GRID1: variants seen among roughly 807,000 people sequenced by gnomAD.
The protein encoded by GRID1 is glutamate receptor ionotropic, delta-1.
A neutral mutation model predicts 98.0 loss-of-function variants in GRID1; 28 were observed. The ratio of observed to expected loss-of-function variants is 0.29; its 90% CI spans 0.21 to 0.39. The LOEUF (loss-of-function observed/expected upper bound fraction) is 0.39, where lower values mean the gene tolerates loss of function less well. GRID1 is among the 10% of genes least tolerant of loss of function. The pLI is 1.00. For synonymous variants in GRID1, 553 were observed against 538.5 expected (o/e 1.03, Z -0.37); for missense variants, 1,111 against 1,340.5 (o/e 0.83, Z 2.67).
At chr10:85,671,651 T>C (rs1227663979) in intron 12 of GRID1, among the ~76,000 whole-genome samples, 1 of 152,194 alleles carries the variant, frequency 6.6e-6, no homozygotes, top group Non-Finnish European at 1.5e-5. Context: ...AAGGAAGAGT[T>C]GTACATCTCT....
At chr10:85,688,302 T>C (rs1841291980) in intron 12 of GRID1, among the ~76,000 whole-genome samples, 2 of 152,176 alleles carry the variant, frequency 1.3e-5, no homozygotes, top group Admixed American at 1.3e-4. Context: ...AGACTTTCTC[T>C]TGGGGAGAAA....
At chr10:85,671,639 G>A in intron 12 of GRID1, among the ~76,000 whole-genome samples, 1 of 152,178 alleles carries the variant, frequency 6.6e-6, no homozygotes, top group East Asian at 1.9e-4. Flanking sequence ...CTGATTGAGT[G>A]AAAGGAAGAG....
intron 3 of GRID1, among the ~76,000 whole-genome samples, chr10:86,199,938 C>T (rs1845924204): frequency 6.6e-6 from 1 of 151,906 alleles, no homozygotes; most frequent in African/African-American, 2.4e-5. Flanking sequence ...AGAGTGCCAC[C>T]CGAGGTAGCA....
intron 8 of GRID1, among the ~76,000 whole-genome samples, chr10:85,768,015 G>A (rs1049901521): frequency 2.6e-5 from 4 of 152,180 alleles, no homozygotes; most frequent in Non-Finnish European, 5.9e-5. Context: ...GTTAAGAGAT[G>A]CATAGTAATC....
intron 2 of GRID1, among the ~76,000 whole-genome samples, chr10:86,207,955 T>C (rs1846057170): frequency 6.6e-6 from 1 of 152,210 alleles, no homozygotes; most frequent in Non-Finnish European, 1.5e-5. Flanking sequence ...AAACACAGGC[T>C]GTGAATGGCA....
chr10:85,774,524 C>G (rs1438485898), intron 8 of GRID1, among the ~76,000 whole-genome samples: 1 of 151,148 alleles, frequency 6.6e-6, no homozygotes, highest in East Asian at 1.9e-4. Context: ...AAACTACCAT[C>G]AGAGTGAACA....
chr10:85,661,941 G>A (rs1840969756), intron 12 of GRID1, among the ~76,000 whole-genome samples: 1 of 152,204 alleles, frequency 6.6e-6, no homozygotes, highest in Non-Finnish European at 1.5e-5. Context: ...CCAAGATGGT[G>A]CTCTCTTTGC....
intron 5 of GRID1, among the ~76,000 whole-genome samples, chr10:85,890,678 G>A (rs1213145311): frequency 6.6e-6 from 1 of 152,104 alleles, no homozygotes; most frequent in African/African-American, 2.4e-5. Context: ...AATGTCTCCT[G>A]TTGTGCTATC....
intron 4 of GRID1, among the ~76,000 whole-genome samples, chr10:86,079,008 T>C (rs2131928023): frequency 6.6e-6 from 1 of 152,286 alleles, no homozygotes; most frequent in Admixed American, 6.5e-5. Flanking sequence ...GGGACGGAGC[T>C]ACCCCCGTCA....
intron 3 of GRID1, among the ~76,000 whole-genome samples, chr10:86,196,906 A>G (rs1845882270): frequency 6.6e-6 from 1 of 151,666 alleles, no homozygotes; most frequent in African/African-American, 2.4e-5. Context: ...AAAGAAACAA[A>G]TGCTTCTGGG....
At chr10:85,607,808 T>C (rs1389058910) in intron 15 of GRID1, among the ~76,000 whole-genome samples, 32 of 119,990 alleles carry the variant, frequency 2.7e-4, no homozygotes, top group East Asian at 1.9e-3. Context: ...TTCCTTTTCC[T>C]TTTTTTTTTT....
chr10:85,875,104 T>A (rs1447234469), intron 5 of GRID1, among the ~76,000 whole-genome samples: 2 of 152,148 alleles, frequency 1.3e-5, no homozygotes, highest in Non-Finnish European at 2.9e-5. Flanking sequence ...GGTCTTGAAC[T>A]CGACCTCAGG....
chr10:85,838,711 C>G (rs1419110322), intron 8 of GRID1, among the ~76,000 whole-genome samples: 1 of 152,114 alleles, frequency 6.6e-6, no homozygotes, highest in Non-Finnish European at 1.5e-5. Context: ...AGTACACAGA[C>G]CAGTGACACT....
At chr10:85,920,779 G>A (rs557467791) in intron 4 of GRID1, among the ~76,000 whole-genome samples, 34 of 152,170 alleles carry the variant, frequency 2.2e-4, no homozygotes, top group Non-Finnish European at 2.1e-4. Flanking sequence ...AAGGGGGGCC[G>A]GCCTTCTGCT....
chr10:85,629,275 T>C (rs55662815), intron 13 of GRID1, among the ~76,000 whole-genome samples: 1 of 152,316 alleles, frequency 6.6e-6, no homozygotes, highest in African/African-American at 2.4e-5. Context: ...TGCAGTTTTG[T>C]TGCATGGATG....
At chr10:86,309,661 G>A (rs1847806020) in intron 2 of GRID1, among the ~76,000 whole-genome samples, 1 of 152,150 alleles carries the variant, frequency 6.6e-6, no homozygotes. Context: ...ATCTTTATGG[G>A]GGACTTGAAT....
chr10:86,312,469 C>T (rs2132089243), intron 2 of GRID1, among the ~76,000 whole-genome samples: 1 of 152,334 alleles, frequency 6.6e-6, no homozygotes, highest in South Asian at 2.1e-4. Flanking sequence ...AGGATTTCTT[C>T]CCATCTGCCT....
chr10:85,861,933 T>C (rs982466509), intron 6 of GRID1, among the ~76,000 whole-genome samples: 11 of 152,202 alleles, frequency 7.2e-5, no homozygotes, highest in African/African-American at 2.7e-4. Context: ...TAACCACTGG[T>C]TAACCTGTCT....
intron 3 of GRID1, among the ~76,000 whole-genome samples, chr10:86,154,021 A>G (rs1363501905): frequency 6.6e-6 from 1 of 152,200 alleles, no homozygotes; most frequent in East Asian, 1.9e-4. Context: ...GGAGCCATCC[A>G]TCACAGGCCG....
Sources: allele counts gnomAD v4.1 joint callset (sites outside exome capture counted in the v4.1 genomes callset), GRCh38; gene constraint gnomAD v4.1.1; transcripts MANE v1.5; gene names NCBI Gene and HGNC (gene_info 2026-07-23, HGNC 2026-07-21).